TRIM24: variants seen among roughly 807,000 people sequenced by gnomAD.
TRIM24 encodes the protein transcription intermediary factor 1-alpha.
In TRIM24, 29 loss-of-function variants were observed where a neutral mutation model predicts 123.9. The ratio of observed to expected loss-of-function variants is 0.23; its 90% confidence interval spans 0.17 to 0.32. The LOEUF is 0.32. Ranked by LOEUF, TRIM24 falls within the 10% of genes least tolerant of loss-of-function variation. The pLI, the probability that TRIM24 is intolerant of heterozygous loss-of-function variation, is 1.00. For missense variants in TRIM24, 932 were observed against 1,295.3 expected (o/e 0.72, Z 4.31); for synonymous variants, 456 against 461.1 (o/e 0.99, Z 0.14).
intron 17 of TRIM24, among the ~76,000 whole-genome samples, chr7:138,582,019 T>C (rs1447352444): frequency 6.6e-6 from 1 of 152,194 alleles, no homozygotes; most frequent in Non-Finnish European, 1.5e-5. Context: ...CTGGGATGTT[T>C]AGGGTGATTT....
At chr7:138,535,548 C>G (rs1271876318) in intron 6 of TRIM24, among the ~76,000 whole-genome samples, 1 of 152,194 alleles carries the variant, frequency 6.6e-6, no homozygotes, top group African/African-American at 2.4e-5. Context: ...TTGGCCCCTA[C>G]TCTCTTCTGT....
chr7:138,541,767 G>A (rs983765102), intron 7 of TRIM24, among the ~76,000 whole-genome samples: 12 of 152,140 alleles, frequency 7.9e-5, no homozygotes, highest in Non-Finnish European at 1.6e-4. Context: ...TGTCATCTAC[G>A]TTGAAATGTG....
At chr7:138,500,302 G>A (rs537572475) in intron 1 of TRIM24, among the ~76,000 whole-genome samples, 3 of 152,272 alleles carry the variant, frequency 2.0e-5, no homozygotes, top group African/African-American at 7.2e-5. Flanking sequence ...GGTTATGCTT[G>A]TAATCCCAGC....
intron 7 of TRIM24, 26 bp downstream of exon 7, chr7:138,538,829 TA>T: frequency 6.2e-7 from 1 of 1,600,994 alleles, no homozygotes; most frequent in Admixed American, 1.7e-5. Context: ...CTATTTAATA[TA>T]CTGTAAAAAT....
intron 14 of TRIM24, among the ~76,000 whole-genome samples, chr7:138,578,137 GT>G (rs1039116320): frequency 2.6e-5 from 4 of 152,116 alleles, no homozygotes; most frequent in Non-Finnish European, 5.9e-5. Flanking sequence ...GTTGGAGATT[GT>G]GAGAATAACA....
intron 7 of TRIM24, among the ~76,000 whole-genome samples, chr7:138,541,329 G>A (rs147878290): frequency 2.7e-3 from 414 of 152,198 alleles, no homozygotes; most frequent in African/African-American, 9.0e-3. Flanking sequence ...ATTACTTCTT[G>A]ATTCATGGGC....
Position 138,585,971 on chromosome 7 carries a change from A to G in TRIM24, c.*1020A>G. 3 of 501,206 alleles carry G rather than the reference A, an allele frequency of 6.0e-6. No individual in the cohort carries two copies. Among genetic ancestry groups the G allele is most frequent in the South Asian group, 4.3e-5 (3 of 69,516 alleles). 31.0% of individuals were successfully genotyped at this position (501,206 alleles called of 1,614,324 possible). A position where few individuals can be genotyped will look rare whatever the true frequency, so the allele number is the denominator to read the frequency against. ...TGAAAATGTGTTGTAGGATTTTGGG[A>G]GCAGGCAGCTGGGGGGAATTAATAG... is the stretch of plus-strand genomic sequence containing the variant. On this transcript the variant is annotated 3_prime_UTR_variant, in exon 19 of 19. Coordinates refer to ENST00000343526, the MANE Select transcript of TRIM24 (RefSeq NM_015905.3).
chr7:138,469,337 T>G (rs1371187191), intron 1 of TRIM24, among the ~76,000 whole-genome samples: 4 of 151,788 alleles, frequency 2.6e-5, no homozygotes, highest in Non-Finnish European at 1.5e-5. Flanking sequence ...CTCAATTTTT[T>G]TTTTTTTTTT....
Position 138,567,641 on chromosome 7 carries a change from A to C in TRIM24, c.1691A>C (p.Gln564Pro). The change falls in exon 10 of 19, where the codon CAA becomes CCA. Residue 564 changes from glutamine to proline, a missense_variant. Gln to Pro is a moderately conservative substitution (Grantham distance 76). Around this residue, in one of 7 missense-constraint regions of TRIM24, gnomAD observed 527 missense variants for 691.3 expected, o/e 0.76. Transcript: ENST00000343526. Reference sequence around the variant, plus strand: ...CTACAGATGGCTTTCTTGGCTCAACAAGCCATAAAACAGGTATATATCTAC... The same window carrying C: ...CTACAGATGGCTTTCTTGGCTCAACCAGCCATAAAACAGGTATATATCTAC... ...NPLQMAFLAQ[Q>P]AIKQWQISSG... 6.2e-7 allele frequency: 1 copy of C among 1,611,602 alleles called. No homozygotes were observed. The highest frequency in any genetic ancestry group is 8.5e-7 in the Non-Finnish European group (1 of 1,179,126).
intron 9 of TRIM24, among the ~76,000 whole-genome samples, chr7:138,556,736 G>A (rs79941776): frequency 2.2e-4 from 34 of 152,322 alleles, no homozygotes; most frequent in African/African-American, 7.5e-4. Flanking sequence ...CACAGAGCAG[G>A]CTTGCTTTCT....
intron 6 of TRIM24, among the ~76,000 whole-genome samples, chr7:138,531,019 C>T (rs551428961): frequency 1.6e-4 from 24 of 152,096 alleles, no homozygotes; most frequent in African/African-American, 5.5e-4. Context: ...AGTGGTATAG[C>T]CTTGGCTCAC....
chr7:138,478,546 A>C (rs1795455109), intron 1 of TRIM24, among the ~76,000 whole-genome samples: 1 of 152,124 alleles, frequency 6.6e-6, no homozygotes. Flanking sequence ...GTGCAAACAC[A>C]GCTTACTTCA....
At chr7:138,552,562 T>C (rs550416007) in intron 8 of TRIM24, among the ~76,000 whole-genome samples, 1 of 151,884 alleles carries the variant, frequency 6.6e-6, no homozygotes, top group East Asian at 1.9e-4. Flanking sequence ...TGGTGGGGGG[T>C]TGGGGGGTGC....
At position 138,460,821 on chromosome 7, in the gene TRIM24, G is replaced by T; in HGVS notation, c.273G>T (p.Leu91=). The T allele has an allele frequency of 6.3e-7, 1 of 1,579,104 alleles. No individual in the cohort carries two copies. Among genetic ancestry groups the T allele is most frequent in the Middle Eastern group, 1.7e-4 (1 of 5,752 alleles). ...CCGCGCCCCAGCGCTACCTCATGCTGCCCGCGCCCATGCTGGGCTCGGCCG... is the reference window on the plus strand; with the variant it reads ...CCGCGCCCCAGCGCTACCTCATGCTTCCCGCGCCCATGCTGGGCTCGGCCG... ...CLPAPQRYLM[L]PAPMLGSAET... is the part of the protein sequence containing the mutation. The change falls in exon 1 of 19, where the codon CTG becomes CTT. Residue 91 remains leucine (L), a synonymous_variant. Coordinates refer to ENST00000343526, the MANE Select transcript of TRIM24 (RefSeq NM_015905.3).
intron 9 of TRIM24, among the ~76,000 whole-genome samples, chr7:138,561,530 G>A (rs546512335): frequency 1.3e-5 from 2 of 152,258 alleles, no homozygotes; most frequent in South Asian, 2.1e-4. Flanking sequence ...ATAACCGAGT[G>A]CAGTACCTGG....
intron 2 of TRIM24, among the ~76,000 whole-genome samples, chr7:138,508,692 T>TGTGCGTGCGC (rs1422176564): frequency 7.3e-6 from 1 of 137,214 alleles, no homozygotes; most frequent in Non-Finnish European, 1.6e-5. Context: ...TGTGTGTGTG[T>TGTGCGTGCGC]GCGCGCGCGT....
chr7:138,556,555 A>G (rs1448197501), intron 9 of TRIM24, among the ~76,000 whole-genome samples: 1 of 152,244 alleles, frequency 6.6e-6, no homozygotes, highest in Non-Finnish European at 1.5e-5. Context: ...GTAGGGGGAA[A>G]TAGGCTCCTC....
chr7:138,554,023 T>G lies in TRIM24; in HGVS notation c.1262-675T>G, dbSNP rs187681706. ...AGCACCCTCCCGCTAGCAACCTCCA[T>G]GTGGCAACCTTCATTTAACACAAAG... On this transcript the variant is annotated intron_variant, in intron 8 of 18. Transcript: ENST00000343526. This position sits in a 1 kb window ranked among gnomAD's most constrained non-coding sequence, Gnocchi z 4.5. Among the ~76,000 whole-genome samples, 10 of 152,240 alleles carry G rather than the reference T, an allele frequency of 6.6e-5. No homozygotes were observed. The highest frequency in any genetic ancestry group is 5.2e-4 in the Admixed American group (8 of 15,270).
At chr7:138,547,520 AAT>A (rs1458542590) in intron 7 of TRIM24, among the ~76,000 whole-genome samples, 6 of 152,224 alleles carry the variant, frequency 3.9e-5, no homozygotes, top group African/African-American at 1.4e-4. Context: ...GGTCAATTAA[AAT>A]AATGCTTTTT....
Sources: gnomAD v4.1 joint callset for allele counts (sites outside exome capture counted in the v4.1 genomes callset) on GRCh38, gnomAD v4.1.1 for gene constraint, gnomAD v4.1.1 regional missense constraint, Gnocchi (gnomAD v3.1) non-coding constraint, MANE v1.5 for transcripts, NCBI Gene and HGNC (gene_info 2026-07-23, HGNC 2026-07-21) for gene names.